EFCAB6: variants seen among roughly 807,000 people sequenced by gnomAD.
EFCAB6 encodes the protein EF-hand calcium binding domain 6, also known as EF-hand calcium-binding domain-containing protein 6.
A neutral mutation model predicts 169.8 loss-of-function variants in EFCAB6; 156 were observed. The observed-to-expected ratio is 0.92, with a 90% CI of 0.81 to 1.05. The LOEUF is 1.05. Ranked by LOEUF, EFCAB6 falls within the 50% of genes least tolerant of loss-of-function variation. The pLI, the probability that EFCAB6 is intolerant of heterozygous loss-of-function variation, is 0.00. For synonymous variants in EFCAB6, 698 were observed against 676.4 expected, an observed-to-expected ratio of 1.03 and a Z score of -0.50; for missense variants, 1,800 against 1,829.1, an observed-to-expected ratio of 0.98 and a Z score of 0.29.
Position 43,667,211 on chromosome 22 carries a change from C to T in EFCAB6, c.1876G>A (p.Glu626Lys). 6.2e-7 allele frequency: 1 copy of T among 1,614,052 alleles called. No individual in the cohort carries two copies. The highest frequency in any genetic ancestry group is 1.7e-4 in the Middle Eastern group (1 of 6,060). The change falls in exon 17 of 32, where the codon GAA becomes AAA. Residue 626 changes from glutamate to lysine, a missense_variant. Physicochemically the swap from Glu to Lys is moderately conservative, Grantham distance 56. Transcript: ENST00000262726. ...TGCTGTATACACTTTTTGAATTTTT[C>T]AATCACTTCTTCTGTGGTCATCTTC... ...TKKMTTEEVI[E>K]KFKKCIQQQD...
At chr22:43,697,740 A>G in intron 10 of EFCAB6, among the ~76,000 whole-genome samples, 1 of 152,194 alleles carries the variant, frequency 6.6e-6, no homozygotes, top group East Asian at 1.9e-4. Flanking sequence ...GGATTCCGAC[A>G]TGGGGAACCA....
At chr22:43,755,732 TGGGGG>T in intron 6 of EFCAB6, 29 bp downstream of exon 6, 1 of 1,549,956 alleles carries the variant, frequency 6.5e-7, no homozygotes, top group Non-Finnish European at 8.7e-7. Flanking sequence ...ATGGGTGGGG[TGGGGG>T]GAAATCATTT....
At chr22:43,747,149 C>A (rs1195888240) in intron 6 of EFCAB6, among the ~76,000 whole-genome samples, 1 of 152,226 alleles carries the variant, frequency 6.6e-6, no homozygotes, top group East Asian at 1.9e-4. Context: ...GACCACCTCA[C>A]CTAAGAAATA....
chr22:43,637,013 G>A (rs1043060186), intron 17 of EFCAB6, among the ~76,000 whole-genome samples: 1 of 152,124 alleles, frequency 6.6e-6, no homozygotes, highest in African/African-American at 2.4e-5. Flanking sequence ...AAATGGCCCA[G>A]GGGGAGCGGC....
rs980898350 is a variant in EFCAB6, at chr22:43,530,894, C to A, written c.4304G>T (p.Cys1435Phe). Residue 1435 changes from cysteine to phenylalanine, a missense_variant, in exon 31 of 32, where the codon TGC (cysteine) becomes TTC (phenylalanine). By Grantham distance (205) the Cys-to-Phe change is radical (BLOSUM62 -2). Coordinates refer to ENST00000262726, the MANE Select transcript of EFCAB6 (RefSeq NM_022785.4). ...LLRIQPKIVH[C>F]WRPMRRTFKS... ...GAACGTGCGCCGCATTGGCCTCCAG[C>A]AGTGCACAATTTTGGGCTGAATACG... 6.2e-7 allele frequency: 1 copy of A among 1,614,112 alleles called. No homozygotes were observed. Among genetic ancestry groups the A allele is most frequent in the African/African-American group, 1.3e-5 (1 of 74,954 alleles).
chr22:43,701,092 T>C (rs2058749272), intron 10 of EFCAB6, among the ~76,000 whole-genome samples: 1 of 152,254 alleles, frequency 6.6e-6, no homozygotes, highest in Non-Finnish European at 1.5e-5. Flanking sequence ...GAATGTTTTT[T>C]GTGATCCTCT....
chr22:43,681,886 T>C (rs562598631), intron 12 of EFCAB6, among the ~76,000 whole-genome samples: 33 of 152,314 alleles, frequency 2.2e-4, no homozygotes, highest in Non-Finnish European at 3.7e-4. Context: ...CTGATTTAAA[T>C]GTAAGTGATC....
intron 20 of EFCAB6, among the ~76,000 whole-genome samples, chr22:43,618,165 G>GGAAGGAAAGAAAGAAAGAAAGAAAGAAA (rs1486097443): frequency 1.5e-5 from 1 of 68,240 alleles, no homozygotes; most frequent in African/African-American, 5.7e-5. Flanking sequence ...AAGGAAGGAA[G>GGAAGGAAAGAAAGAAAGAAAGAAAGAAA]GAAAGAAAGA....
intron 8 of EFCAB6, among the ~76,000 whole-genome samples, chr22:43,722,308 C>A (rs761441121): frequency 6.6e-6 from 1 of 151,822 alleles, no homozygotes; most frequent in Non-Finnish European, 1.5e-5. Context: ...GGGCAGATCA[C>A]GAGGTCAAGA....
At chr22:43,620,762 A>G (rs1168419321) in intron 20 of EFCAB6, among the ~76,000 whole-genome samples, 2 of 152,212 alleles carry the variant, frequency 1.3e-5, no homozygotes, top group African/African-American at 4.8e-5. Flanking sequence ...AAAGAAATAG[A>G]CAAATTCAAA....
chr22:43,642,366 C>T (rs1408969649), intron 17 of EFCAB6, among the ~76,000 whole-genome samples: 1 of 152,010 alleles, frequency 6.6e-6, no homozygotes, highest in African/African-American at 2.4e-5. Context: ...TCTTTACATA[C>T]CCATTCACAG....
intron 11 of EFCAB6, among the ~76,000 whole-genome samples, chr22:43,686,132 C>T (rs538192344): frequency 1.3e-5 from 2 of 152,176 alleles, no homozygotes; most frequent in East Asian, 3.9e-4. Context: ...CAGGCTTGCG[C>T]CACCACGCCT....
chr22:43,646,776 C>T (rs961265482), intron 17 of EFCAB6, among the ~76,000 whole-genome samples: 1 of 152,202 alleles, frequency 6.6e-6, no homozygotes, highest in African/African-American at 2.4e-5. Flanking sequence ...GACTATAATT[C>T]TGACTGATAT....
chr22:43,757,236 AT>A (rs2060989557), intron 5 of EFCAB6, among the ~76,000 whole-genome samples: 1 of 152,244 alleles, frequency 6.6e-6, no homozygotes. Context: ...ACAAAACGCT[AT>A]TTGTAAAATG....
At chr22:43,683,647 G>A (rs1157296009) in intron 12 of EFCAB6, 100 bp downstream of exon 12, 10 of 880,152 alleles carry the variant, frequency 1.1e-5, no homozygotes, top group Non-Finnish European at 1.7e-5. Context: ...TTGTTGGATG[G>A]ATAAATGAAC....
chr22:43,686,436 T>C lies in EFCAB6; in HGVS notation c.1142+1035A>G, dbSNP rs868633065. 1.4e-4 allele frequency among the ~76,000 whole-genome samples: 21 copies of C among 152,308 alleles called. 1 individual carries two copies. The highest frequency in any genetic ancestry group is 3.4e-3 in the Middle Eastern group (1 of 294). ...TCAGTGTGACAACCAAAAATGTCTG[T>C]GACATTGCCAGATATCTCCTGGGAG... On this transcript the variant is annotated intron_variant, in intron 11 of 31. Transcript: ENST00000262726.
At chr22:43,659,705 A>C (rs893991174) in intron 17 of EFCAB6, among the ~76,000 whole-genome samples, 2 of 152,130 alleles carry the variant, frequency 1.3e-5, no homozygotes, top group Admixed American at 6.5e-5. Flanking sequence ...ATAAACATTT[A>C]GTTTGCTTAG....
At chr22:43,690,284 G>A (rs926114531) in intron 10 of EFCAB6, among the ~76,000 whole-genome samples, 3 of 149,096 alleles carry the variant, frequency 2.0e-5, no homozygotes, top group Non-Finnish European at 3.0e-5. Context: ...CGGATCACGA[G>A]GTCAGGAGAT....
chr22:43,762,969 T>C (rs2061213909), intron 5 of EFCAB6, among the ~76,000 whole-genome samples: 1 of 152,226 alleles, frequency 6.6e-6, no homozygotes, highest in Admixed American at 6.5e-5. Context: ...TAGCACTAAC[T>C]AAAGAGAGCA....
Sources: gnomAD v4.1 joint callset for allele counts (sites outside exome capture counted in the v4.1 genomes callset) on GRCh38, gnomAD v4.1.1 for gene constraint, MANE v1.5 for transcripts, NCBI Gene and HGNC (gene_info 2026-07-23, HGNC 2026-07-21) for gene names.